The following TOGARAM1 variants were observed in gnomAD, a reference collection of about 807,000 sequenced individuals.
TOGARAM1 encodes TOG array regulator of axonemal microtubules protein 1.
Under a neutral mutation model 166.6 loss-of-function variants are expected in TOGARAM1, and 100 were observed. The observed-to-expected ratio is 0.60, with a 90% CI of 0.51 to 0.71. The LOEUF is 0.71. Ranked by LOEUF, TOGARAM1 falls within the 30% of genes least tolerant of loss-of-function variation. The pLI is 0.00. For missense variants in TOGARAM1, 2,029 were observed against 2,102.7 expected (o/e 0.96, Z 0.69); for synonymous variants, 758 against 763.8 (o/e 0.99, Z 0.13).
At chr14:45,015,250 A>G (rs1187345933) in intron 7 of TOGARAM1, among the ~76,000 whole-genome samples, 1 of 152,044 alleles carries the variant, frequency 6.6e-6, no homozygotes, top group Non-Finnish European at 1.5e-5. Flanking sequence ...AGCTGCAGAG[A>G]GCCAAGATAG....
intron 10 of TOGARAM1, among the ~76,000 whole-genome samples, chr14:45,029,460 C>A (rs1881038352): frequency 6.6e-6 from 1 of 152,152 alleles, no homozygotes; most frequent in South Asian, 2.1e-4. Context: ...GAGAGTACTG[C>A]TTTGAAGTTA....
At chr14:45,020,366 A>C (rs1327508109) in intron 7 of TOGARAM1, among the ~76,000 whole-genome samples, 3 of 152,204 alleles carry the variant, frequency 2.0e-5, no homozygotes, top group Non-Finnish European at 4.4e-5. Flanking sequence ...TTGAAGTACT[A>C]CTGCTGCTAG....
chr14:45,039,630 C>T (rs1881622730), intron 11 of TOGARAM1, among the ~76,000 whole-genome samples: 1 of 152,160 alleles, frequency 6.6e-6, no homozygotes. Flanking sequence ...TTCCTGACAG[C>T]ATCCAGGATC....
At position 44,964,340 on chromosome 14, in the gene TOGARAM1, A is replaced by G; in HGVS notation, c.1919A>G (p.Tyr640Cys). The G allele has an allele frequency of 6.2e-6, 10 of 1,614,214 alleles. No individual in the cohort carries two copies. The highest frequency in any genetic ancestry group is 8.5e-6 in the Non-Finnish European group (10 of 1,180,036). ...GATAGCATGCACATTTATGGATCTT[A>G]CAGCCCAACTATCTGTACCCGAAGG... ...VRDSMHIYGS[Y>C]SPTICTRRVL... Residue 640 changes from tyrosine to cysteine, a missense_variant, in exon 1 of 20, where the codon TAC becomes TGC. Physicochemically the swap from Tyr to Cys is radical, Grantham distance 194. Transcript: ENST00000361462.
At chr14:44,967,102 T>G (rs189815240) in intron 1 of TOGARAM1, among the ~76,000 whole-genome samples, 1 of 152,290 alleles carries the variant, frequency 6.6e-6, no homozygotes, top group East Asian at 1.9e-4. Context: ...AAAACAAAAG[T>G]CTGAGTATAG....
chr14:45,046,783 A>G (rs1882087090), intron 14 of TOGARAM1, 80 bp downstream of exon 14: 1 of 1,147,436 alleles, frequency 8.7e-7, no homozygotes, highest in African/African-American at 1.6e-5. Flanking sequence ...TTAAAGAAGA[A>G]TGAACATTTT....
chr14:44,992,611 CTTTTTTTTTTTTTT>C (rs376434047), intron 1 of TOGARAM1, among the ~76,000 whole-genome samples: 1 of 91,324 alleles, frequency 1.1e-5, no homozygotes, highest in Non-Finnish European at 2.0e-5. Context: ...TTTTTGTAAT[CTTTTTTTTTTTTTT>C]TTTTTTTTTT....
At chr14:44,993,002 C>T (rs1887228983) in intron 1 of TOGARAM1, among the ~76,000 whole-genome samples, 1 of 151,424 alleles carries the variant, frequency 6.6e-6, no homozygotes, top group South Asian at 2.1e-4. Context: ...GTGGCTCACG[C>T]CTGTAATCTC....
At chr14:45,039,087 C>G (rs952967844) in intron 11 of TOGARAM1, among the ~76,000 whole-genome samples, 1 of 151,450 alleles carries the variant, frequency 6.6e-6, no homozygotes, top group South Asian at 2.1e-4. Context: ...ACAGGCAGGT[C>G]GTTTTGGTGT....
chr14:45,012,155 A>G, intron 7 of TOGARAM1, 80 bp downstream of exon 7: 1 of 936,030 alleles, frequency 1.1e-6, no homozygotes, highest in Non-Finnish European at 1.6e-6. Context: ...AGTGCATTTC[A>G]GATTTCATGT....
intron 16 of TOGARAM1, among the ~76,000 whole-genome samples, chr14:45,063,470 T>C (rs1023306995): frequency 6.6e-6 from 1 of 150,648 alleles, no homozygotes; most frequent in African/African-American, 2.5e-5. Flanking sequence ...TAGTATCTCA[T>C]TTGACAAAGT....
At chr14:45,011,548 CA>C (rs751691829) in intron 6 of TOGARAM1, among the ~76,000 whole-genome samples, 2 of 151,978 alleles carry the variant, frequency 1.3e-5, no homozygotes, top group Non-Finnish European at 1.5e-5. Flanking sequence ...TTCCTGGGCT[CA>C]AGTGATCCTC....
At chr14:45,043,273 G>A (rs1881819216) in intron 11 of TOGARAM1, among the ~76,000 whole-genome samples, 2 of 152,000 alleles carry the variant, frequency 1.3e-5, no homozygotes, top group South Asian at 2.1e-4. Context: ...CACCTCCCAG[G>A]TTTAAGTGAT....
intron 1 of TOGARAM1, among the ~76,000 whole-genome samples, chr14:44,984,729 C>T (rs936352608): frequency 7.3e-5 from 11 of 151,498 alleles, no homozygotes; most frequent in South Asian, 2.1e-4. Context: ...GAGCTATGAT[C>T]GTGCCACTGC....
intron 1 of TOGARAM1, among the ~76,000 whole-genome samples, chr14:44,965,748 A>G (rs1461627747): frequency 6.6e-6 from 1 of 152,112 alleles, no homozygotes; most frequent in Non-Finnish European, 1.5e-5. Flanking sequence ...TTAGCATATA[A>G]TCAGTACAGT....
chr14:45,071,654 A>G, intron 18 of TOGARAM1, 58 bp from the exon 19 acceptor site: 1 of 1,189,768 alleles, frequency 8.4e-7, no homozygotes, highest in South Asian at 1.4e-5. Flanking sequence ...TATGTAATGG[A>G]AAGTAACTAA....
intron 14 of TOGARAM1, 116 bp from the exon 15 acceptor site, chr14:45,052,320 T>G: frequency 1.3e-6 from 1 of 749,188 alleles, no homozygotes; most frequent in Non-Finnish European, 2.1e-6. Flanking sequence ...AATATAGGGA[T>G]GGTAATCTTG....
At chr14:45,038,832 A>G (rs1258671698) in intron 11 of TOGARAM1, among the ~76,000 whole-genome samples, 3 of 152,156 alleles carry the variant, frequency 2.0e-5, no homozygotes, top group African/African-American at 2.4e-5. Flanking sequence ...AGAATTAGGT[A>G]TGTGGACAAC....
intron 1 of TOGARAM1, among the ~76,000 whole-genome samples, chr14:44,971,741 G>A (rs1472504410): frequency 2.6e-5 from 4 of 152,150 alleles, no homozygotes; most frequent in East Asian, 3.9e-4. Flanking sequence ...TTGATACATT[G>A]TATTTTCATT....
Sources: gnomAD v4.1 joint callset for allele counts (sites outside exome capture counted in the v4.1 genomes callset) on GRCh38, gnomAD v4.1.1 for gene constraint, MANE v1.5 for transcripts, NCBI Gene and HGNC (gene_info 2026-07-23, HGNC 2026-07-21) for gene names.